The following DPYD variants were observed in gnomAD, a reference collection of about 807,000 sequenced individuals.
DPYD encodes dihydropyrimidine dehydrogenase [NADP(+)].
In DPYD, 109 loss-of-function variants were observed where a neutral mutation model predicts 116.2. The observed-to-expected ratio is 0.94, with a 90% confidence interval of 0.80 to 1.10. The LOEUF is 1.10. Among genes scored for constraint, DPYD ranks in the 50% least tolerant of loss-of-function variants. DPYD has a pLI of 0.00. For synonymous variants in DPYD, 440 were observed against 432.0 expected (o/e 1.02, Z -0.23); for missense variants, 1,302 against 1,254.5 (o/e 1.04, Z -0.57).
chr1:97,484,061 T>C (rs1385337524), intron 13 of DPYD, among the ~76,000 whole-genome samples: 1 of 152,160 alleles, frequency 6.6e-6, no homozygotes, highest in East Asian at 1.9e-4. Context: ...TCACAGCACT[T>C]TGGGAGGACG....
chr1:97,875,943 T>A (rs1273476984), intron 2 of DPYD, among the ~76,000 whole-genome samples: 2 of 152,020 alleles, frequency 1.3e-5, no homozygotes, highest in African/African-American at 4.8e-5. Context: ...GCCATTTATG[T>A]TTACATAATT....
At chr1:97,146,822 T>A (rs1181276690) in intron 20 of DPYD, among the ~76,000 whole-genome samples, 1 of 152,148 alleles carries the variant, frequency 6.6e-6, no homozygotes, top group Non-Finnish European at 1.5e-5. Context: ...AATATATGTA[T>A]AAAATAGATG....
At chr1:97,596,110 G>T (rs1010441984) in intron 8 of DPYD, among the ~76,000 whole-genome samples, 1 of 152,000 alleles carries the variant, frequency 6.6e-6, no homozygotes, top group Non-Finnish European at 1.5e-5. Flanking sequence ...GTACCAGAAT[G>T]TCAGGTAAAT....
intron 12 of DPYD, among the ~76,000 whole-genome samples, chr1:97,526,001 G>A (rs1056568734): frequency 2.0e-5 from 3 of 151,886 alleles, no homozygotes; most frequent in African/African-American, 7.3e-5. Flanking sequence ...GTGTGTGTGT[G>A]TGTGTGTGTG....
intron 14 of DPYD, chr1:97,394,473 T>G (rs746098389): frequency 2.6e-5 from 4 of 152,032 alleles, no homozygotes; most frequent in Non-Finnish European, 4.4e-5. Flanking sequence ...ACACACAGTA[T>G]TTATCAATTA....
chr1:97,784,513 A>G (rs1409318472), intron 3 of DPYD, among the ~76,000 whole-genome samples: 1 of 152,190 alleles, frequency 6.6e-6, no homozygotes, highest in African/African-American at 2.4e-5. Flanking sequence ...ATCTTTCTGA[A>G]GAAGTGTAGT....
At chr1:97,723,528 G>A (rs1012220547) in intron 4 of DPYD, among the ~76,000 whole-genome samples, 3 of 151,414 alleles carry the variant, frequency 2.0e-5, no homozygotes, top group South Asian at 2.1e-4. Flanking sequence ...TAGTCCATTC[G>A]ATTCATTACA....
At chr1:97,633,020 C>G (rs1413706985) in intron 8 of DPYD, among the ~76,000 whole-genome samples, 2 of 152,062 alleles carry the variant, frequency 1.3e-5, no homozygotes, top group East Asian at 3.9e-4. Context: ...ATGGGGCATA[C>G]TTTTCAAACT....
chr1:97,310,442 C>T (rs945707884), intron 16 of DPYD, among the ~76,000 whole-genome samples: 9 of 151,808 alleles, frequency 5.9e-5, no homozygotes, highest in East Asian at 1.9e-4. Context: ...TTCTACTTCA[C>T]TTATTCCTGT....
At chr1:97,863,571 A>T (rs1671227700) in intron 2 of DPYD, among the ~76,000 whole-genome samples, 1 of 151,884 alleles carries the variant, frequency 6.6e-6, no homozygotes, top group Non-Finnish European at 1.5e-5. Flanking sequence ...ATAGAATATT[A>T]TGCATTCATT....
intron 11 of DPYD, among the ~76,000 whole-genome samples, chr1:97,565,003 G>A (rs190572148): frequency 1.3e-5 from 2 of 152,114 alleles, no homozygotes; most frequent in Admixed American, 1.3e-4. Flanking sequence ...ATCCAAATTA[G>A]TGAATCTGGA....
At chr1:97,248,319 G>T (rs1387527136) in intron 18 of DPYD, among the ~76,000 whole-genome samples, 4 of 152,152 alleles carry the variant, frequency 2.6e-5, no homozygotes, top group African/African-American at 9.7e-5. Context: ...TCTTGTGATA[G>T]TGAATGAGAT....
At chr1:97,691,304 C>G in intron 7 of DPYD, 1 of 170,748 alleles carries the variant, frequency 5.9e-6, no homozygotes, top group Admixed American at 5.6e-5. Context: ...ACACTACTGA[C>G]ATGATGAATA....
At chr1:97,628,215 C>T (rs1286415026) in intron 8 of DPYD, among the ~76,000 whole-genome samples, 1 of 152,022 alleles carries the variant, frequency 6.6e-6, no homozygotes, top group Non-Finnish European at 1.5e-5. Context: ...CAATACCCTC[C>T]ATCTATATTC....
intron 8 of DPYD, among the ~76,000 whole-genome samples, chr1:97,633,025 C>G (rs1037349990): frequency 6.6e-6 from 1 of 152,022 alleles, no homozygotes; most frequent in Non-Finnish European, 1.5e-5. Context: ...GCATACTTTT[C>G]AAACTGTATC....
At chr1:97,276,411 A>G (rs1171803673) in intron 18 of DPYD, among the ~76,000 whole-genome samples, 4 of 152,164 alleles carry the variant, frequency 2.6e-5, no homozygotes, top group African/African-American at 9.6e-5. Context: ...TGCGTCCAAC[A>G]AAAGTCTAAT....
At chr1:97,724,953 A>AAGAGAGAGAGAGAGAGAGAGAGAGAGAG (rs71590231) in intron 4 of DPYD, among the ~76,000 whole-genome samples, 1 of 118,826 alleles carries the variant, frequency 8.4e-6, no homozygotes, top group Non-Finnish European at 1.7e-5. Context: ...GAGGGAAGGA[A>AAGAGAGAGAGAGAGAGAGAGAGAGAGAG]AGAGAGAGAG....
intron 8 of DPYD, among the ~76,000 whole-genome samples, chr1:97,603,871 T>C (rs1326887176): frequency 3.9e-5 from 6 of 152,094 alleles, no homozygotes; most frequent in Non-Finnish European, 8.8e-5. Flanking sequence ...ATTTAAACAG[T>C]TTCCTTTGAA....
chr1:97,827,822 T>G (rs1425030131), intron 3 of DPYD, among the ~76,000 whole-genome samples: 1 of 152,172 alleles, frequency 6.6e-6, no homozygotes, highest in Non-Finnish European at 1.5e-5. Context: ...AGAATTTAGA[T>G]GAACAATATT....
Sources: gnomAD v4.1 joint callset for allele counts (sites outside exome capture counted in the v4.1 genomes callset) on GRCh38, gnomAD v4.1.1 for gene constraint, MANE v1.5 for transcripts, NCBI Gene and HGNC (gene_info 2026-07-23, HGNC 2026-07-21) for gene names.